Variants in TYMS observed in about 807,000 individuals in gnomAD.
TYMS encodes the protein thymidylate synthetase.
Under a neutral mutation model 39.3 loss-of-function variants are expected in TYMS, and 21 were observed. The ratio of observed to expected loss-of-function variants is 0.54; its 90% CI spans 0.38 to 0.77. TYMS has a LOEUF of 0.77. Ranked by LOEUF, TYMS falls within the 30% of genes least tolerant of loss-of-function variation. The probability of loss-of-function intolerance (pLI) is 0.00; values close to 1 mark genes in which losing one functional copy is unlikely to be tolerated. For synonymous variants in TYMS, 171 were observed against 162.2 expected (o/e 1.05, Z -0.41); for missense variants, 273 against 406.7 (o/e 0.67, Z 2.83).
intron 3 of TYMS, among the ~76,000 whole-genome samples, chr18:667,117 GGT>G: frequency 2.2e-5 from 2 of 90,754 alleles, no homozygotes; most frequent in Non-Finnish European, 4.1e-5. Flanking sequence ...AGATGGTGAT[GGT>G]GATGGTGATG....
rs911068502 is a variant in TYMS, at chr18:658,538, A to T, written c.205+591A>T. 1 of 213,962 alleles carries T rather than the reference A, an allele frequency of 4.7e-6. No individual in the cohort carries two copies. The highest frequency in any genetic ancestry group is 7.2e-5 in the Admixed American group (1 of 13,896). 13.3% of individuals were successfully genotyped at this position (213,962 alleles called of 1,614,324 possible). ...AAAAGAGAAATTCGGGAGTTCGAGTATAAGTTCTTAGTCGTCCTTTCCTCT... is the reference window on the plus strand; with the variant it reads ...AAAAGAGAAATTCGGGAGTTCGAGTTTAAGTTCTTAGTCGTCCTTTCCTCT... On this transcript the variant is annotated intron_variant, in intron 1 of 6. Transcript: ENST00000323274. This position sits in a 1 kb window ranked among gnomAD's most constrained non-coding sequence, Gnocchi z 4.5.
rs1434528387 is a variant in TYMS, at chr18:673,529, A to T, written c.*532A>T. 2 of 191,394 alleles carry T rather than the reference A, an allele frequency of 1.0e-5. No individual in the cohort carries two copies. Among genetic ancestry groups the T allele is most frequent in the Non-Finnish European group, 2.2e-5 (2 of 91,760 alleles). 11.9% of individuals were successfully genotyped at this position (191,394 alleles called of 1,614,324 possible). A position where few individuals can be genotyped will look rare whatever the true frequency, so the allele number is the denominator to read the frequency against. On this transcript the variant is annotated 3_prime_UTR_variant, in exon 7 of 7. Transcript: ENST00000323274. ...CTTTGTTCATTCTGTACTGCCACTT[A>T]TCTGCTCAGTTCCTTCCTAAAATAG...
chr18:658,062 G>T lies in TYMS; in HGVS notation c.205+115G>T. 6.4e-7 allele frequency: 1 copy of T among 1,572,636 alleles called. No homozygotes were observed. On this transcript the variant is annotated intron_variant, in intron 1 of 6. Coordinates refer to ENST00000323274, the MANE Select transcript of TYMS (RefSeq NM_001071.4). The surrounding 1 kb of genome is among the most constrained non-coding windows in gnomAD (Gnocchi z 4.5). ...CCCGTTTAGTCCTAACCTCAATCCT[G>T]CGAGGGAGGGGACGCATCGTCCTCC...
Position 666,929 on chromosome 18 carries a change from ATGGT to A in TYMS, c.455-2142_455-2139del, listed in dbSNP as rs1567989488. Among the ~76,000 whole-genome samples the A allele has an allele frequency of 1.5e-3, 87 of 59,804 alleles. 9 individuals are homozygous for A. Among genetic ancestry groups the A allele is most frequent in the East Asian group, 3.8e-3 (5 of 1,318 alleles). The allele number at this position is 59,804 out of a possible 152,430, so 39.2% of individuals were successfully genotyped here. On this transcript the variant is annotated intron_variant, in intron 3 of 6. Coordinates refer to ENST00000323274, the MANE Select transcript of TYMS (RefSeq NM_001071.4). ...GATGGTGATGGTGATGGAGATGGTG[ATGGT>A]GATGGAGATGGTGATGGTGATGGAG...
Position 669,157 on chromosome 18 carries a change from C to T in TYMS, c.540C>T (p.Cys180=), listed in dbSNP as rs749851203. The change falls in exon 4 of 7, where the codon TGC becomes TGT. Residue 180 remains cysteine, a synonymous_variant. Coordinates refer to ENST00000323274, the MANE Select transcript of TYMS (RefSeq NM_001071.4). Reference sequence around the variant, plus strand: ...CTGACGACAGAAGAATCATCATGTGCGCTTGGAATCCAAGAGGTTGAAAGA... The same window carrying T: ...CTGACGACAGAAGAATCATCATGTGTGCTTGGAATCCAAGAGGTTGAAAGA... ...TNPDDRRIIM[C]AWNPRDLPLM... The T allele has an allele frequency of 2.2e-5, 35 of 1,613,920 alleles. No homozygotes were observed. The highest frequency in any genetic ancestry group is 2.7e-5 in the African/African-American group (2 of 74,894).
rs778081169 is a variant in TYMS, at chr18:669,191, G to A, written c.556+18G>A. 12 of 1,605,422 alleles carry A rather than the reference G, an allele frequency of 7.5e-6. No homozygotes were observed. Among genetic ancestry groups the A allele is most frequent in the Middle Eastern group, 1.7e-4 (1 of 6,050 alleles). On this transcript the variant is annotated intron_variant, in intron 4 of 6. Coordinates refer to ENST00000323274, the MANE Select transcript of TYMS (RefSeq NM_001071.4). Reference sequence around the variant, plus strand: ...TCCAAGAGGTTGAAAGAACCCCGTCGTCTTCATTTATACTAACCATACTCT... The same window carrying A: ...TCCAAGAGGTTGAAAGAACCCCGTCATCTTCATTTATACTAACCATACTCT...
intron 3 of TYMS, among the ~76,000 whole-genome samples, chr18:666,724 G>A (rs924104475): frequency 1.3e-5 from 2 of 152,240 alleles, no homozygotes; most frequent in African/African-American, 2.4e-5. Flanking sequence ...TCTGTTAAAT[G>A]TTAGCAACTT....
At chr18:668,502 T>C (rs2074902608) in intron 3 of TYMS, among the ~76,000 whole-genome samples, 2 of 152,204 alleles carry the variant, frequency 1.3e-5, no homozygotes, top group Admixed American at 1.3e-4. Flanking sequence ...TCCTGATGTT[T>C]CCAAGTCAGT....
In TYMS at chr18:660,549, A is replaced by G. The variant is rs571110796; in HGVS notation, c.279+835A>G. 6.6e-6 allele frequency among the ~76,000 whole-genome samples: 1 copy of G among 152,358 alleles called. No homozygotes were observed. Among genetic ancestry groups the G allele is most frequent in the South Asian group, 2.1e-4 (1 of 4,828 alleles). On this transcript the variant is annotated intron_variant, in intron 2 of 6. Coordinates refer to ENST00000323274, the MANE Select transcript of TYMS (RefSeq NM_001071.4). This position sits in a 1 kb window ranked among gnomAD's most constrained non-coding sequence, Gnocchi z 4.6. ...GGGCCTCAAACACAGCCTGCCACAT[A>G]GTAGGAGTCAACATATATTGATCAC...
At chr18:659,543 C>CA in intron 1 of TYMS, 98 bp from the exon 2 acceptor site, 1 of 1,014,702 alleles carries the variant, frequency 9.9e-7, no homozygotes, top group Admixed American at 1.7e-5. Flanking sequence ...CTGGATGCTC[C>CA]AGGGCCTCAC....
rs1421127770 is a variant in TYMS at position 657,723 on chromosome 18, C to G, written c.-20C>G. The G allele has an allele frequency of 1.5e-6, 2 of 1,327,384 alleles. No individual in the cohort carries two copies. Among genetic ancestry groups the G allele is most frequent in the Non-Finnish European group, 1.9e-6 (2 of 1,046,550 alleles). The allele number at this position is 1,327,384 out of a possible 1,614,324, so 82.2% of individuals were successfully genotyped here. A position where few individuals can be genotyped will look rare whatever the true frequency, so the allele number is the denominator to read the frequency against. On this transcript the variant is annotated 5_prime_UTR_variant, in exon 1 of 7. Coordinates refer to ENST00000323274, the MANE Select transcript of TYMS (RefSeq NM_001071.4). ...CCCGCCGCGCCACTTCGCCTGCCTC[C>G]GTCCCCCGCCCGCCGCGCCATGCCT... is the stretch of plus-strand genomic sequence containing the variant.
At chr18:659,518 G>A (rs1224232660) in intron 1 of TYMS, 123 bp from the exon 2 acceptor site, 12 of 784,774 alleles carry the variant, frequency 1.5e-5, no homozygotes, top group African/African-American at 1.7e-5. Flanking sequence ...CCCACTTTGC[G>A]GGAGTCTAGG....
rs2144249674 is a variant in TYMS at position 657,668 on chromosome 18, G to A, written c.-75G>A. 3 of 290,718 alleles carry A rather than the reference G, an allele frequency of 1.0e-5. No individual in the cohort carries two copies. Among genetic ancestry groups the A allele is most frequent in the South Asian group, 1.3e-4 (2 of 15,196 alleles). 18.0% of individuals were successfully genotyped at this position (290,718 alleles called of 1,614,324 possible). ...CCACCGCGCCACTTGGCCTGCCTCC[G>A]TCCCGCCGCGCCACTTGGCCTGCCT... On this transcript the variant is annotated 5_prime_UTR_variant, in exon 1 of 7. Coordinates refer to ENST00000323274, the MANE Select transcript of TYMS (RefSeq NM_001071.4).
chr18:671,845 T>G (rs191727615), intron 6 of TYMS: 2 of 202,764 alleles, frequency 9.9e-6, no homozygotes, highest in South Asian at 8.3e-5. Flanking sequence ...CGTGGTGCGA[T>G]CTCAGCTCAC....
chr18:669,456 T>A, intron 4 of TYMS: 1 of 252,306 alleles, frequency 4.0e-6, no homozygotes, highest in African/African-American at 2.4e-5. Flanking sequence ...CACTGTAACC[T>A]CTGCCTCCTG....
In TYMS at chr18:659,529, C is replaced by T. The variant is rs562935180; in HGVS notation, c.206-112C>T. On this transcript the variant is annotated intron_variant, in intron 1 of 6. Coordinates refer to ENST00000323274, the MANE Select transcript of TYMS (RefSeq NM_001071.4). Reference sequence around the variant, plus strand: ...CTGGCCCACTTTGCGGGAGTCTAGGCTTTCTGGATGCTCCAGGGCCTCACG... The same window carrying T: ...CTGGCCCACTTTGCGGGAGTCTAGGTTTTCTGGATGCTCCAGGGCCTCACG... 8 of 894,226 alleles carry T rather than the reference C, an allele frequency of 8.9e-6. No individual in the cohort carries two copies. The African/African-American group carries it at 9.8e-5, about 11-fold the overall frequency. The allele number at this position is 894,226 out of a possible 1,614,324, so 55.4% of individuals were successfully genotyped here. A position where few individuals can be genotyped will look rare whatever the true frequency, so the allele number is the denominator to read the frequency against.
At position 657,752 on chromosome 18, in the gene TYMS, G is replaced by A; in HGVS notation, c.10G>A (p.Ala4Thr). The A allele has an allele frequency of 7.1e-7, 1 of 1,410,584 alleles. No individual in the cohort carries two copies. The highest frequency in any genetic ancestry group is 1.5e-5 in the South Asian group (1 of 64,702). The allele number at this position is 1,410,584 out of a possible 1,614,324, so 87.4% of individuals were successfully genotyped here. The stretch of plus-strand genomic sequence containing the variant: ...CCCCGCCCGCCGCGCCATGCCTGTG[G>A]CCGGCTCGGAGCTGCCGCGCCGGCC... MPV[A>T]GSELPRRPLP... The change falls in exon 1 of 7, where the codon GCC becomes ACC. Residue 4 changes from alanine to threonine, a missense_variant. Coordinates refer to ENST00000323274, the MANE Select transcript of TYMS (RefSeq NM_001071.4).
At chr18:667,227 TGATGGAGATGGA>T (rs1373943907) in intron 3 of TYMS, among the ~76,000 whole-genome samples, 17 of 33,938 alleles carry the variant, frequency 5.0e-4, no homozygotes, top group Non-Finnish European at 6.2e-4. Flanking sequence ...ATGGTGATGG[TGATGGAGATGGA>T]GATGGTGATG....
intron 3 of TYMS, among the ~76,000 whole-genome samples, chr18:667,020 TGGA>T (rs2074846648): frequency 7.4e-4 from 5 of 6,770 alleles, no homozygotes; most frequent in South Asian, 5.2e-3. Flanking sequence ...GTGATGGAGA[TGGA>T]GATGGTGATG....
Sources: gnomAD v4.1 joint callset for allele counts (sites outside exome capture counted in the v4.1 genomes callset) on GRCh38, gnomAD v4.1.1 for gene constraint, Gnocchi (gnomAD v3.1) non-coding constraint, MANE v1.5 for transcripts, NCBI Gene and HGNC (gene_info 2026-07-23, HGNC 2026-07-21) for gene names.